Variants in ACOXL observed in about 807,000 individuals in gnomAD.
The protein encoded by ACOXL is acyl-CoA oxidase like.
ACOXL carries 70 observed loss-of-function variants against 71.9 expected under a neutral mutation model. The ratio of observed to expected loss-of-function variants is 0.97; its 90% CI spans 0.80 to 1.19. The LOEUF is 1.19. Ranked by LOEUF, ACOXL falls within the 50% of genes most tolerant of loss-of-function variation. ACOXL has a pLI of 0.00. For missense variants in ACOXL, 703 were observed against 736.3 expected, an observed-to-expected ratio of 0.95 and a Z score of 0.52; for synonymous variants, 253 against 281.6, an observed-to-expected ratio of 0.90 and a Z score of 1.02.
chr2:111,096,764 A>G (rs1222690531), intron 17 of ACOXL, among the ~76,000 whole-genome samples: 1 of 152,198 alleles, frequency 6.6e-6, no homozygotes, highest in Non-Finnish European at 1.5e-5. Context: ...TAAGATGTAC[A>G]TGAAGTCCTA....
intron 17 of ACOXL, among the ~76,000 whole-genome samples, chr2:111,108,371 CTTTTTTTTTTT>C (rs1225889982): frequency 2.8e-5 from 2 of 71,056 alleles, no homozygotes; most frequent in South Asian, 1.1e-3. Flanking sequence ...GTGCATGAAT[CTTTTTTTTTTT>C]TTTTTTTTTT....
intron 17 of ACOXL, chr2:111,100,977 T>C (rs1447293633): frequency 6.6e-6 from 1 of 152,650 alleles, no homozygotes; most frequent in African/African-American, 2.4e-5. Context: ...CGTTGAATCA[T>C]AGAGGAAGAA....
intron 3 of ACOXL, among the ~76,000 whole-genome samples, chr2:110,789,334 T>C (rs1174412322): frequency 6.6e-6 from 1 of 152,252 alleles, no homozygotes; most frequent in African/African-American, 2.4e-5. Flanking sequence ...CCTTTTCTGC[T>C]TCTCCATGGC....
chr2:110,879,054 TA>T (rs201244854), intron 10 of ACOXL, among the ~76,000 whole-genome samples: 399 of 136,754 alleles, frequency 2.9e-3, no homozygotes, highest in Middle Eastern at 3.7e-3. Flanking sequence ...GAGGCTCCGT[TA>T]AAAAAAAAAA....
chr2:111,012,673 G>A (rs2064224321), intron 14 of ACOXL, among the ~76,000 whole-genome samples: 1 of 152,102 alleles, frequency 6.6e-6, no homozygotes, highest in Admixed American at 6.5e-5. Context: ...CAAATATTTG[G>A]CTATTAAGAA....
chr2:110,742,242 A>G (rs1677641295), intron 1 of ACOXL, among the ~76,000 whole-genome samples: 1 of 152,210 alleles, frequency 6.6e-6, no homozygotes, highest in South Asian at 2.1e-4. Context: ...TTTGGAGACC[A>G]TCTCCTCCCA....
intron 10 of ACOXL, among the ~76,000 whole-genome samples, chr2:110,863,593 AC>A (rs75914992): frequency 5.6e-4 from 85 of 150,912 alleles, no homozygotes; most frequent in African/African-American, 2.0e-3. Flanking sequence ...TTCCCTGAGC[AC>A]CCCCCCCAAC....
chr2:110,933,533 A>T lies in ACOXL; in HGVS notation c.950A>T (p.Glu317Val). Residue 317 changes from glutamate to valine, a missense_variant, in exon 12 of 18, where the codon GAG becomes GTG. Physicochemically the swap from Glu to Val is moderately radical, Grantham distance 121. Transcript: ENST00000439055. ...GATGAGGATGTCTTCCAGGGAAAGGAGCTGGTCAACAGTCGCTCGCTGCAG... is the reference window on the plus strand; with the variant it reads ...GATGAGGATGTCTTCCAGGGAAAGGTGCTGGTCAACAGTCGCTCGCTGCAG... Reference protein sequence around the residue: ...LLDEDVFQGKELVNSRSLQAL... With the variant: ...LLDEDVFQGKVLVNSRSLQAL... 6.2e-7 allele frequency: 1 copy of T among 1,614,154 alleles called. No individual in the cohort carries two copies. The highest frequency in any genetic ancestry group is 8.5e-7 in the Non-Finnish European group (1 of 1,180,008).
intron 14 of ACOXL, among the ~76,000 whole-genome samples, chr2:111,004,372 A>G (rs1334733351): frequency 6.6e-6 from 1 of 152,210 alleles, no homozygotes; most frequent in Non-Finnish European, 1.5e-5. Flanking sequence ...GCAAGTGAGA[A>G]GGGCTAGCAA....
intron 4 of ACOXL, 76 bp downstream of exon 4, chr2:110,793,812 A>G (rs1315508725): frequency 1.2e-5 from 14 of 1,168,786 alleles, no homozygotes; most frequent in Non-Finnish European, 1.5e-5. Context: ...GCATGTGTGT[A>G]TGTGTTTGAA....
At chr2:110,972,499 T>C (rs932717662) in intron 12 of ACOXL, among the ~76,000 whole-genome samples, 8 of 152,196 alleles carry the variant, frequency 5.3e-5, no homozygotes, top group African/African-American at 1.9e-4. Flanking sequence ...ACCCCCAGGA[T>C]TGATGATTCA....
intron 10 of ACOXL, among the ~76,000 whole-genome samples, chr2:110,897,671 A>C (rs1212164357): frequency 1.3e-5 from 2 of 152,226 alleles, no homozygotes; most frequent in Non-Finnish European, 2.9e-5. Context: ...GTACATATTC[A>C]AACTATAGCA....
rs143648243 is a variant in ACOXL, at chr2:111,048,640, A to G, written c.1370-578A>G. 2.2e-3 allele frequency among the ~76,000 whole-genome samples: 331 copies of G among 152,282 alleles called. 2 individuals are homozygous for G. The highest frequency in any genetic ancestry group is 7.7e-3 in the African/African-American group (319 of 41,566). On this transcript the variant is annotated intron_variant, in intron 15 of 17. Coordinates refer to ENST00000439055, the MANE Select transcript of ACOXL (RefSeq NM_001142807.4). ...CCTAGAGCTTTCATGGCCAATTTCA[A>G]TGGATTACTAAAACTTTTTTTTTTT...
At chr2:110,841,862 T>C (rs1193551652) in intron 10 of ACOXL, among the ~76,000 whole-genome samples, 1 of 152,202 alleles carries the variant, frequency 6.6e-6, no homozygotes, top group African/African-American at 2.4e-5. Flanking sequence ...TTTGTCTTGC[T>C]TCATGATTTC....
At chr2:110,766,677 G>C (rs184825169) in intron 1 of ACOXL, among the ~76,000 whole-genome samples, 1 of 152,184 alleles carries the variant, frequency 6.6e-6, no homozygotes, top group African/African-American at 2.4e-5. Context: ...TACCGAGTAG[G>C]GGTGAAGTCT....
At chr2:110,800,699 C>T (rs1327096996) in intron 7 of ACOXL, among the ~76,000 whole-genome samples, 1 of 152,084 alleles carries the variant, frequency 6.6e-6, no homozygotes, top group African/African-American at 2.4e-5. Context: ...GTGGAGGGGA[C>T]AGTCCATCCT....
intron 10 of ACOXL, among the ~76,000 whole-genome samples, chr2:110,855,949 T>C (rs150489986): frequency 6.6e-6 from 1 of 152,160 alleles, no homozygotes; most frequent in Non-Finnish European, 1.5e-5. Flanking sequence ...TTTATTCCCT[T>C]ATTTGACCTC....
intron 9 of ACOXL, among the ~76,000 whole-genome samples, chr2:110,837,967 C>G (rs1331019059): frequency 6.6e-6 from 1 of 152,200 alleles, no homozygotes; most frequent in Non-Finnish European, 1.5e-5. Context: ...CCTCCCTCCC[C>G]TCTCTCTTCT....
chr2:110,925,760 T>G (rs539724740), intron 11 of ACOXL, among the ~76,000 whole-genome samples: 3 of 152,098 alleles, frequency 2.0e-5, no homozygotes, highest in Non-Finnish European at 4.4e-5. Flanking sequence ...TCCTTTGCAT[T>G]CACAACTTGG....
Sources: allele counts gnomAD v4.1 joint callset (sites outside exome capture counted in the v4.1 genomes callset), GRCh38; gene constraint gnomAD v4.1.1; transcripts MANE v1.5; gene names NCBI Gene and HGNC (gene_info 2026-07-23, HGNC 2026-07-21).